RC3H1: variants seen among roughly 807,000 people sequenced by gnomAD.
RC3H1 encodes the protein roquin-1.
A neutral mutation model predicts 138.2 loss-of-function variants in RC3H1; 50 were observed. That is an observed-to-expected ratio of 0.36 (90% CI 0.29 to 0.46). The LOEUF (loss-of-function observed/expected upper bound fraction) is 0.46, where lower values mean the gene tolerates loss of function less well. RC3H1 is among the 20% of genes least tolerant of loss of function. The probability of loss-of-function intolerance (pLI) is 1.00; values close to 1 mark genes in which losing one functional copy is unlikely to be tolerated. For synonymous variants in RC3H1, 462 were observed against 489.1 expected (o/e 0.94, Z 0.73); for missense variants, 1,031 against 1,388.1 (o/e 0.74, Z 4.09).
At chr1:173,994,397 A>G (rs1034293298) in intron 1 of RC3H1, among the ~76,000 whole-genome samples, 2 of 152,174 alleles carry the variant, frequency 1.3e-5, no homozygotes, top group African/African-American at 4.8e-5. Flanking sequence ...ATCTCAAAAC[A>G]AACAAACAAA....
At chr1:174,012,659 C>A (rs1661789012) in intron 1 of RC3H1, among the ~76,000 whole-genome samples, 1 of 151,950 alleles carries the variant, frequency 6.6e-6, no homozygotes, top group Admixed American at 6.6e-5. Context: ...TGGCGGGCGC[C>A]TGTAGTCCCA....
intron 1 of RC3H1, among the ~76,000 whole-genome samples, chr1:173,996,240 AC>A (rs1661457269): frequency 6.6e-6 from 1 of 152,068 alleles, no homozygotes; most frequent in South Asian, 2.1e-4. Context: ...ACAGAGACAT[AC>A]CAGTGCTATG....
chr1:174,021,591 C>A (rs1239832946), intron 1 of RC3H1, among the ~76,000 whole-genome samples: 1 of 152,138 alleles, frequency 6.6e-6, no homozygotes, highest in African/African-American at 2.4e-5. Flanking sequence ...GAAACAGACA[C>A]CGTGAAATCC....
chr1:173,998,111 T>C (rs1460083506), intron 1 of RC3H1, among the ~76,000 whole-genome samples: 3 of 152,072 alleles, frequency 2.0e-5, no homozygotes, highest in Non-Finnish European at 4.4e-5. Flanking sequence ...TTTTTGAACT[T>C]CCTCAGAAAA....
At chr1:173,947,648 G>C (rs1255221896) in intron 14 of RC3H1, 66 bp from the exon 15 acceptor site, 9 of 1,198,506 alleles carry the variant, frequency 7.5e-6, no homozygotes, top group African/African-American at 1.5e-5. Context: ...ATTTTTTCTA[G>C]ATCTGTAATA....
intron 13 of RC3H1, among the ~76,000 whole-genome samples, chr1:173,954,694 T>C (rs1215409034): frequency 6.6e-6 from 1 of 152,150 alleles, no homozygotes; most frequent in Non-Finnish European, 1.5e-5. Context: ...TATTTACTTA[T>C]TTACAAATGA....
intron 19 of RC3H1, among the ~76,000 whole-genome samples, 193 bp downstream of exon 19, chr1:173,941,072 G>A (rs570822925): frequency 3.9e-5 from 6 of 152,056 alleles, no homozygotes; most frequent in Admixed American, 2.6e-4. Flanking sequence ...TGCCCACCTC[G>A]GCTTCCCAAA....
chr1:174,004,132 G>C (rs987222063), intron 1 of RC3H1, among the ~76,000 whole-genome samples: 1 of 149,392 alleles, frequency 6.7e-6, no homozygotes, highest in African/African-American at 2.5e-5. Context: ...TTGAGACAGG[G>C]TCTTGCTCTG....
chr1:173,978,970 C>T (rs1191164958), intron 6 of RC3H1, among the ~76,000 whole-genome samples: 4 of 152,182 alleles, frequency 2.6e-5, no homozygotes, highest in Non-Finnish European at 4.4e-5. Flanking sequence ...CTTTCCTCAT[C>T]GCTTTTAATA....
At chr1:173,974,564 T>C (rs1339553859) in intron 7 of RC3H1, among the ~76,000 whole-genome samples, 1 of 151,916 alleles carries the variant, frequency 6.6e-6, no homozygotes, top group African/African-American at 2.4e-5. Context: ...GGGAAAAACA[T>C]CCAAGTTAGA....
intron 1 of RC3H1, among the ~76,000 whole-genome samples, chr1:174,013,556 C>T (rs1320643574): frequency 2.6e-5 from 4 of 151,918 alleles, no homozygotes; most frequent in Non-Finnish European, 5.9e-5. Context: ...ATTCTCCTGC[C>T]TCAGCCTCCC....
chr1:173,940,584 T>G (rs1658808114), intron 19 of RC3H1, among the ~76,000 whole-genome samples: 1 of 152,184 alleles, frequency 6.6e-6, no homozygotes, highest in Non-Finnish European at 1.5e-5. Flanking sequence ...ATTTTCCATT[T>G]CCTAAAGCTA....
intron 1 of RC3H1, among the ~76,000 whole-genome samples, chr1:174,006,285 T>C (rs181540918): frequency 6.6e-6 from 1 of 152,300 alleles, no homozygotes; most frequent in Admixed American, 6.5e-5. Flanking sequence ...CTTCAGCAAG[T>C]TATACTTTTT....
At chr1:174,016,812 A>C (rs1388312880) in intron 1 of RC3H1, among the ~76,000 whole-genome samples, 1 of 152,094 alleles carries the variant, frequency 6.6e-6, no homozygotes, top group African/African-American at 2.4e-5. Flanking sequence ...TGTCAATCTT[A>C]GCAGTAACTC....
chr1:174,019,983 T>A (rs1210493019), intron 1 of RC3H1, among the ~76,000 whole-genome samples: 1 of 152,170 alleles, frequency 6.6e-6, no homozygotes, highest in Non-Finnish European at 1.5e-5. Context: ...ACGGTGAGAT[T>A]GTTTTCATAA....
chr1:173,947,608 T>C (rs1251505197), intron 14 of RC3H1, 26 bp from the exon 15 acceptor site: 2 of 1,570,230 alleles, frequency 1.3e-6, no homozygotes, highest in Non-Finnish European at 1.8e-6. Context: ...AATGAGAAAT[T>C]ACCCCACACT....
At position 173,932,789 on chromosome 1, in the gene RC3H1, AT is replaced by A. The variant is rs1344730580; in HGVS notation, c.*5931del. 1 of 152,076 alleles carries A rather than the reference AT, an allele frequency of 6.6e-6. No homozygotes were observed. The highest frequency in any genetic ancestry group is 2.4e-5 in the African/African-American group (1 of 41,434). The allele number at this position is 152,076 out of a possible 1,614,324, so 9.4% of individuals were successfully genotyped here. On this transcript the variant is annotated 3_prime_UTR_variant, in exon 20 of 20. Transcript: ENST00000367696. ...AGAAAGATTACACAAATAAATGGTG[AT>A]TAAAAAAAGGCAAATAATAATAATA... is the stretch of plus-strand genomic sequence containing the variant.
intron 1 of RC3H1, among the ~76,000 whole-genome samples, chr1:174,013,210 T>C (rs1426297308): frequency 6.6e-6 from 1 of 151,770 alleles, no homozygotes; most frequent in Non-Finnish European, 1.5e-5. Context: ...AGATAATGCA[T>C]TGAAAATGTA....
At chr1:173,972,665 A>G (rs1403632373) in intron 7 of RC3H1, 38 bp from the exon 8 acceptor site, 2 of 1,403,262 alleles carry the variant, frequency 1.4e-6, no homozygotes, top group African/African-American at 2.8e-5. Flanking sequence ...CTCTAATGTT[A>G]CTCAAAATTT....
Sources: allele counts gnomAD v4.1 joint callset (sites outside exome capture counted in the v4.1 genomes callset), GRCh38; gene constraint gnomAD v4.1.1; transcripts MANE v1.5; gene names NCBI Gene and HGNC (gene_info 2026-07-23, HGNC 2026-07-21).